ARHGAP24: variants seen among roughly 807,000 people sequenced by gnomAD.
ARHGAP24 encodes the protein Rho GTPase activating protein 24.
Under a neutral mutation model 76.4 loss-of-function variants are expected in ARHGAP24, and 50 were observed. That is an observed-to-expected ratio of 0.65 (90% CI 0.52 to 0.83). The LOEUF (loss-of-function observed/expected upper bound fraction) is 0.83, where lower values mean the gene tolerates loss of function less well. Among genes scored for constraint, ARHGAP24 ranks in the 40% least tolerant of loss-of-function variants. The pLI is 0.00. For synonymous variants in ARHGAP24, 345 were observed against 323.3 expected (o/e 1.07, Z -0.72); for missense variants, 930 against 914.2 (o/e 1.02, Z -0.22).
intron 3 of ARHGAP24, among the ~76,000 whole-genome samples, chr4:85,811,663 G>A (rs1253925570): frequency 6.6e-6 from 1 of 152,178 alleles, no homozygotes; most frequent in Non-Finnish European, 1.5e-5. Context: ...CCAACTCAGA[G>A]TAATTATTTA....
chr4:85,922,195 A>G (rs991381798), intron 3 of ARHGAP24, among the ~76,000 whole-genome samples: 6 of 152,166 alleles, frequency 3.9e-5, no homozygotes, highest in African/African-American at 7.2e-5. Context: ...TAGTTGTTCA[A>G]CTGGTTGGCT....
chr4:85,507,387 T>A (rs1724104022), intron 1 of ARHGAP24, among the ~76,000 whole-genome samples: 2 of 152,300 alleles, frequency 1.3e-5, no homozygotes, highest in South Asian at 4.1e-4. Context: ...GTTTACCTTT[T>A]TATTCACTGG....
intron 4 of ARHGAP24, 69 bp downstream of exon 4, chr4:85,923,839 G>C: frequency 6.2e-7 from 1 of 1,604,730 alleles, no homozygotes; most frequent in Non-Finnish European, 8.5e-7. Context: ...TTCCCCCAGC[G>C]AATGTTACTA....
chr4:85,570,980 G>A, intron 2 of ARHGAP24: 1 of 348,664 alleles, frequency 2.9e-6, no homozygotes, highest in Non-Finnish European at 5.2e-6. Flanking sequence ...CACTTCCTCT[G>A]GCAAACTTAG....
chr4:85,520,769 T>A (rs1724710745), intron 1 of ARHGAP24, among the ~76,000 whole-genome samples: 1 of 152,172 alleles, frequency 6.6e-6, no homozygotes, highest in Non-Finnish European at 1.5e-5. Context: ...CAGACATGAA[T>A]TAGCATTGAT....
intron 1 of ARHGAP24, among the ~76,000 whole-genome samples, chr4:85,539,313 T>C (rs1725590280): frequency 6.6e-6 from 1 of 152,180 alleles, no homozygotes; most frequent in Non-Finnish European, 1.5e-5. Flanking sequence ...TAAAGAGATG[T>C]ATGAGTAAGG....
chr4:85,517,699 T>A (rs1294892262), intron 1 of ARHGAP24, among the ~76,000 whole-genome samples: 1 of 152,176 alleles, frequency 6.6e-6, no homozygotes, highest in Non-Finnish European at 1.5e-5. Flanking sequence ...GTGCAATGCT[T>A]ACCCGGTTTA....
intron 1 of ARHGAP24, among the ~76,000 whole-genome samples, chr4:85,542,060 T>C (rs562860340): frequency 1.4e-4 from 21 of 152,312 alleles, no homozygotes; most frequent in Non-Finnish European, 2.8e-4. Context: ...TCTATAAGCA[T>C]CTTAAAACCT....
rs1487014618 is a variant in ARHGAP24 at position 85,704,879 on chromosome 4, A to G, written c.181-17006A>G. 2.0e-5 allele frequency among the ~76,000 whole-genome samples: 3 copies of G among 152,252 alleles called. No individual in the cohort carries two copies. In the East Asian group the frequency reaches 5.8e-4, roughly 29 times the overall value. On this transcript the variant is annotated intron_variant, in intron 2 of 9. Coordinates refer to ENST00000395184, the MANE Select transcript of ARHGAP24 (RefSeq NM_001025616.3). Reference sequence around the variant, plus strand: ...AGAATTTTTTTAATGAAAAGTAAGAAAACATCATAAGGTACTTTGATTGAC... The same window carrying G: ...AGAATTTTTTTAATGAAAAGTAAGAGAACATCATAAGGTACTTTGATTGAC...
At chr4:85,492,138 T>A (rs184509714) in intron 1 of ARHGAP24, among the ~76,000 whole-genome samples, 2 of 151,966 alleles carry the variant, frequency 1.3e-5, no homozygotes, top group Admixed American at 1.3e-4. Context: ...CCTTTTCTCT[T>A]TATTACCCTA....
At chr4:85,541,979 T>C (rs546071714) in intron 1 of ARHGAP24, among the ~76,000 whole-genome samples, 14 of 152,202 alleles carry the variant, frequency 9.2e-5, no homozygotes, top group Non-Finnish European at 2.1e-4. Flanking sequence ...GCATAAGTAT[T>C]TTAAAATAGT....
intron 2 of ARHGAP24, among the ~76,000 whole-genome samples, chr4:85,593,409 C>G (rs1459548249): frequency 6.6e-6 from 1 of 152,114 alleles, no homozygotes; most frequent in Non-Finnish European, 1.5e-5. Context: ...TGTGGGTTGT[C>G]TCTTCACTTT....
intron 3 of ARHGAP24, among the ~76,000 whole-genome samples, chr4:85,834,718 AGGATG>A (rs1451197048): frequency 6.6e-6 from 1 of 152,220 alleles, no homozygotes; most frequent in African/African-American, 2.4e-5. Flanking sequence ...AAGAAATGCC[AGGATG>A]GGATGAAGGC....
intron 3 of ARHGAP24, among the ~76,000 whole-genome samples, chr4:85,889,526 A>T (rs973862945): frequency 6.6e-6 from 1 of 152,232 alleles, no homozygotes; most frequent in Non-Finnish European, 1.5e-5. Context: ...TCTGTAGTCT[A>T]TGAGGCTTAG....
At chr4:85,934,917 G>A (rs1324055522) in intron 4 of ARHGAP24, among the ~76,000 whole-genome samples, 1 of 152,118 alleles carries the variant, frequency 6.6e-6, no homozygotes, top group Non-Finnish European at 1.5e-5. Flanking sequence ...ATGCACATAT[G>A]CGTGCACATA....
intron 3 of ARHGAP24, among the ~76,000 whole-genome samples, chr4:85,894,627 T>C (rs1254336714): frequency 3.3e-5 from 5 of 152,120 alleles, no homozygotes. Flanking sequence ...CATTAAAGTA[T>C]TTAGCAGGAT....
chr4:85,996,826 A>G (rs1740689482), intron 9 of ARHGAP24, among the ~76,000 whole-genome samples: 1 of 152,186 alleles, frequency 6.6e-6, no homozygotes, highest in East Asian at 1.9e-4. Flanking sequence ...ATTACTGCCA[A>G]TCCATGATGA....
chr4:85,957,378 G>C (rs1205161687), intron 5 of ARHGAP24, among the ~76,000 whole-genome samples: 1 of 152,172 alleles, frequency 6.6e-6, no homozygotes, highest in Non-Finnish European at 1.5e-5. Flanking sequence ...ACAAGAACAT[G>C]TTATTAAATG....
chr4:85,658,696 A>G (rs1722270095), intron 2 of ARHGAP24, among the ~76,000 whole-genome samples: 1 of 152,230 alleles, frequency 6.6e-6, no homozygotes, highest in Non-Finnish European at 1.5e-5. Flanking sequence ...CAGTATAGTC[A>G]TGAATATGGA....
Sources: allele counts gnomAD v4.1 joint callset (sites outside exome capture counted in the v4.1 genomes callset), GRCh38; gene constraint gnomAD v4.1.1; transcripts MANE v1.5; gene names NCBI Gene and HGNC (gene_info 2026-07-23, HGNC 2026-07-21).